The following DEPDC5 variants were observed in gnomAD, a reference collection of about 807,000 sequenced individuals.
The protein encoded by DEPDC5 is DEP domain containing 5, GATOR1 subcomplex subunit, also known as GATOR1 complex protein DEPDC5.
Under a neutral mutation model 217.3 loss-of-function variants are expected in DEPDC5, and 73 were observed. The observed-to-expected ratio is 0.34, with a 90% CI of 0.28 to 0.41. The LOEUF is 0.41. DEPDC5 is among the 10% of genes least tolerant of loss of function. The pLI is 1.00. For missense variants in DEPDC5, 1,675 were observed against 2,070.1 expected (o/e 0.81, Z 3.70); for synonymous variants, 733 against 756.7 (o/e 0.97, Z 0.51).
chr22:31,839,178 A>G (rs2091237589), intron 27 of DEPDC5, among the ~76,000 whole-genome samples: 1 of 152,184 alleles, frequency 6.6e-6, no homozygotes, highest in Admixed American at 6.5e-5. Flanking sequence ...AATTGTTTCT[A>G]GTACAGTACC....
At chr22:31,822,609 C>T (rs1199627737) in intron 23 of DEPDC5, 84 bp from the exon 24 acceptor site, 1 of 1,347,714 alleles carries the variant, frequency 7.4e-7, no homozygotes, top group African/African-American at 1.4e-5. Flanking sequence ...TATGAACCTA[C>T]CTCCCACCCC....
intron 7 of DEPDC5, among the ~76,000 whole-genome samples, chr22:31,773,540 T>C (rs2083542260): frequency 6.6e-6 from 1 of 152,172 alleles, no homozygotes; most frequent in African/African-American, 2.4e-5. Flanking sequence ...GATATTTTGC[T>C]CAGGCTTGGT....
In DEPDC5 at chr22:31,784,809, T is replaced by C; in HGVS notation, c.563-5T>C. On this transcript the variant is annotated splice_region_variant and splice_polypyrimidine_tract_variant and intron_variant, in intron 9 of 42. Coordinates refer to ENST00000651528, the MANE Select transcript of DEPDC5 (RefSeq NM_001242896.3). ...TCTCATCCTTTTTTCATTGTTTCTT[T>C]TCAGGGGATTTGTATTTTGAGAAAG... 1 of 1,612,778 alleles carries C rather than the reference T, an allele frequency of 6.2e-7. No individual in the cohort carries two copies. Among genetic ancestry groups the C allele is most frequent in the South Asian group, 1.1e-5 (1 of 90,818 alleles).
At chr22:31,779,384 G>C (rs1420421158) in intron 8 of DEPDC5, among the ~76,000 whole-genome samples, 2 of 152,204 alleles carry the variant, frequency 1.3e-5, no homozygotes, top group Non-Finnish European at 2.9e-5. Context: ...TGTCTGAAAA[G>C]TGAGACTTAG....
chr22:31,843,574 T>A lies in DEPDC5; in HGVS notation c.2634-71T>A, dbSNP rs2091527295. ...AAGGATGGTTCTAAGTGTATAGAGA[T>A]AGAAAATAAGAATTGGCAGGAATTT... On this transcript the variant is annotated intron_variant, in intron 28 of 42. Transcript: ENST00000651528. The A allele has an allele frequency of 3.9e-6, 6 of 1,534,600 alleles. No individual in the cohort carries two copies. In the East Asian group the frequency reaches 1.4e-4, roughly 35 times the overall value.
intron 2 of DEPDC5, among the ~76,000 whole-genome samples, chr22:31,758,125 G>T (rs2082088728): frequency 6.6e-6 from 1 of 152,184 alleles, no homozygotes; most frequent in Non-Finnish European, 1.5e-5. Context: ...GTCACATTAA[G>T]ACACTGTTTG....
chr22:31,758,045 T>G (rs1420967921), intron 2 of DEPDC5, among the ~76,000 whole-genome samples: 1 of 152,240 alleles, frequency 6.6e-6, no homozygotes, highest in Non-Finnish European at 1.5e-5. Flanking sequence ...ATTACAGGCA[T>G]GAGCCACTGC....
At chr22:31,812,830 T>C (rs2088586012) in intron 20 of DEPDC5, among the ~76,000 whole-genome samples, 1 of 149,530 alleles carries the variant, frequency 6.7e-6, no homozygotes, top group South Asian at 2.2e-4. Context: ...AACCTCCGCC[T>C]CCCAGGTTCA....
rs566463688 is a variant in DEPDC5 at position 31,758,601 on chromosome 22, T to C, written c.114T>C (p.Ile38=). ...TCCCTCACATCAAGCTTGGAGACAT[T>C]GTAGAGATTGCACACCCCAACGATG... The part of the protein sequence containing the change: ...KVFPHIKLGD[I]VEIAHPNDEY... The change falls in exon 3 of 43, where the codon ATT becomes ATC. Residue 38 remains isoleucine, a synonymous_variant. Transcript: ENST00000651528. 2 of 1,613,990 alleles carry C rather than the reference T, an allele frequency of 1.2e-6. No individual in the cohort carries two copies. Among genetic ancestry groups the C allele is most frequent in the Non-Finnish European group, 1.7e-6 (2 of 1,180,028 alleles).
chr22:31,867,146 G>A (rs574750950), intron 33 of DEPDC5, among the ~76,000 whole-genome samples: 5 of 152,252 alleles, frequency 3.3e-5, no homozygotes, highest in South Asian at 4.1e-4. Context: ...ATCTACGTGC[G>A]ACATCTGCCA....
At chr22:31,838,948 T>C in intron 27 of DEPDC5, 103 bp downstream of exon 27, 1 of 1,277,866 alleles carries the variant, frequency 7.8e-7, no homozygotes, top group Non-Finnish European at 1.1e-6. Context: ...AGTAATCGTT[T>C]TCGACATAGA....
rs867261801 is a variant in DEPDC5 at position 31,816,040 on chromosome 22, C to T, written c.1666+828C>T. 7 of 985,104 alleles carry T rather than the reference C, an allele frequency of 7.1e-6. No individual in the cohort carries two copies. In the African/African-American group the frequency reaches 8.7e-5, roughly 12 times the overall value. The allele number at this position is 985,104 out of a possible 1,614,324, so 61.0% of individuals were successfully genotyped here. On this transcript the variant is annotated intron_variant, in intron 21 of 42. Transcript: ENST00000651528. Reference sequence around the variant, plus strand: ...ACCGGTCGGGCGCAGTGGCTCACACCTGTAATTCCAGCACTTTGGGAGGCC... The same window carrying T: ...ACCGGTCGGGCGCAGTGGCTCACACTTGTAATTCCAGCACTTTGGGAGGCC...
intron 31 of DEPDC5, among the ~76,000 whole-genome samples, chr22:31,852,519 A>G (rs1472199013): frequency 1.3e-5 from 2 of 151,998 alleles, no homozygotes; most frequent in African/African-American, 4.8e-5. Context: ...TTGTATCTTT[A>G]GTAGAGATGG....
intron 40 of DEPDC5, among the ~76,000 whole-genome samples, chr22:31,901,425 T>C (rs1260166785): frequency 6.6e-6 from 1 of 152,158 alleles, no homozygotes; most frequent in Non-Finnish European, 1.5e-5. Flanking sequence ...TCATGCTCCT[T>C]TCAGCTTTGG....
At chr22:31,760,420 G>A (rs2082293567) in intron 3 of DEPDC5, among the ~76,000 whole-genome samples, 1 of 152,042 alleles carries the variant, frequency 6.6e-6, no homozygotes, top group Non-Finnish European at 1.5e-5. Context: ...TAGCCAGGAT[G>A]GTCTCGATCT....
chr22:31,861,279 C>T (rs1201350623), intron 32 of DEPDC5, 89 bp from the exon 33 acceptor site: 4 of 1,197,176 alleles, frequency 3.3e-6, no homozygotes, highest in Admixed American at 2.1e-5. Flanking sequence ...ATACCTGTCT[C>T]CTTCCCCTGA....
chr22:31,833,602 C>T (rs1459198786), intron 24 of DEPDC5, among the ~76,000 whole-genome samples: 1 of 152,184 alleles, frequency 6.6e-6, no homozygotes, highest in African/African-American at 2.4e-5. Context: ...AAAGATTGCT[C>T]TAATTAGTTG....
rs752492298 is a variant in DEPDC5, at chr22:31,768,800, C to T, written c.364-14C>T. ...TCCCTCCCTCTCTCTACCCCTCTCTCCCCCTCCTCTTAGGTCAGCACATGT... is the reference window on the plus strand; with the variant it reads ...TCCCTCCCTCTCTCTACCCCTCTCTTCCCCTCCTCTTAGGTCAGCACATGT... On this transcript the variant is annotated splice_polypyrimidine_tract_variant and intron_variant, in intron 6 of 42. Transcript: ENST00000651528. 9.3e-6 allele frequency: 15 copies of T among 1,609,536 alleles called. No homozygotes were observed. The highest frequency in any genetic ancestry group is 1.1e-5 in the Non-Finnish European group (13 of 1,176,790).
At chr22:31,877,114 G>T (rs1039432653) in intron 37 of DEPDC5, among the ~76,000 whole-genome samples, 1 of 151,792 alleles carries the variant, frequency 6.6e-6, no homozygotes. Context: ...CTGTACTGCA[G>T]CCTGGTTGAC....
Sources: allele counts gnomAD v4.1 joint callset (sites outside exome capture counted in the v4.1 genomes callset), GRCh38; gene constraint gnomAD v4.1.1; transcripts MANE v1.5; gene names NCBI Gene and HGNC (gene_info 2026-07-23, HGNC 2026-07-21).